The following TNR variants were observed in gnomAD, a reference collection of about 807,000 sequenced individuals.
TNR encodes the protein tenascin R.
TNR carries 45 observed loss-of-function variants against 150.4 expected under a neutral mutation model. The ratio of observed to expected loss-of-function variants is 0.30; its 90% CI spans 0.24 to 0.38. TNR has a LOEUF of 0.38. TNR is among the 10% of genes least tolerant of loss of function. The pLI is 1.00. For synonymous variants in TNR, 687 were observed against 678.4 expected (o/e 1.01, Z -0.20); for missense variants, 1,544 against 1,759.1 (o/e 0.88, Z 2.19).
At chr1:175,361,481 T>C (rs1377238195) in intron 14 of TNR, among the ~76,000 whole-genome samples, 1 of 152,198 alleles carries the variant, frequency 6.6e-6, no homozygotes, top group African/African-American at 2.4e-5. Flanking sequence ...TCTGTTGTCA[T>C]AAGCCTGGAA....
At chr1:175,478,756 T>C (rs971143610) in intron 2 of TNR, among the ~76,000 whole-genome samples, 4 of 152,178 alleles carry the variant, frequency 2.6e-5, no homozygotes, top group Non-Finnish European at 4.4e-5. Flanking sequence ...AAAAAGATAA[T>C]GTGGCTGCCT....
intron 1 of TNR, among the ~76,000 whole-genome samples, chr1:175,713,098 A>G (rs1004578642): frequency 2.0e-5 from 3 of 152,222 alleles, no homozygotes; most frequent in African/African-American, 7.2e-5. Flanking sequence ...AGCAGGAGCG[A>G]TAATGCTGGA....
chr1:175,331,014 T>TTTCC (rs1649737389), intron 20 of TNR, among the ~76,000 whole-genome samples: 2 of 56,594 alleles, frequency 3.5e-5, no homozygotes, highest in South Asian at 6.8e-4. Context: ...TCTTTCTTTC[T>TTTCC]TTCTTTCTTT....
At chr1:175,393,634 C>T (rs986614285) in intron 6 of TNR, 146 bp downstream of exon 6, 2 of 713,240 alleles carry the variant, frequency 2.8e-6, no homozygotes, top group Admixed American at 4.0e-5. Context: ...TGTTCTATAT[C>T]CCAGACACCC....
rs151048007 is a variant in TNR at position 175,370,789 on chromosome 1, C to T, written c.1964-3492G>A. Among the ~76,000 whole-genome samples the T allele has an allele frequency of 1.8e-3, 271 of 152,248 alleles. 1 individual carries two copies. The highest frequency in any genetic ancestry group is 3.6e-3 in the African/African-American group (148 of 41,548). On this transcript the variant is annotated intron_variant, in intron 9 of 22. Coordinates refer to ENST00000367674, the MANE Select transcript of TNR (RefSeq NM_003285.3). ...TGGAGGGAGTAAGACAGAAATTATA[C>T]GTTGCCAAACAGATCTAACATGTAA...
intron 2 of TNR, among the ~76,000 whole-genome samples, chr1:175,508,672 C>A (rs974523192): frequency 6.6e-6 from 1 of 152,200 alleles, no homozygotes; most frequent in Non-Finnish European, 1.5e-5. Flanking sequence ...GGGAGCAAAT[C>A]TTTCTCCAGT....
intron 1 of TNR, among the ~76,000 whole-genome samples, chr1:175,716,142 T>C (rs1667150606): frequency 6.6e-6 from 1 of 152,222 alleles, no homozygotes; most frequent in African/African-American, 2.4e-5. Flanking sequence ...GACCTAGGCT[T>C]TCCCACCTGA....
intron 1 of TNR, among the ~76,000 whole-genome samples, chr1:175,714,556 C>T (rs1416050635): frequency 6.6e-6 from 1 of 152,156 alleles, no homozygotes; most frequent in East Asian, 1.9e-4. Flanking sequence ...GACCACTCAG[C>T]CCCTTTCTCA....
At chr1:175,447,472 G>A (rs143603931) in intron 2 of TNR, among the ~76,000 whole-genome samples, 159 of 152,238 alleles carry the variant, frequency 1.0e-3, no homozygotes, top group Middle Eastern at 0.01. Context: ...TGGCTAGCAC[G>A]TTTGGCATTC....
At chr1:175,530,365 GC>G (rs1241309358) in intron 1 of TNR, among the ~76,000 whole-genome samples, 2 of 152,284 alleles carry the variant, frequency 1.3e-5, no homozygotes, top group East Asian at 3.9e-4. Context: ...GCTCTGGGCT[GC>G]CCCCAGGGAG....
At chr1:175,450,642 G>C (rs912603555) in intron 2 of TNR, among the ~76,000 whole-genome samples, 1 of 152,238 alleles carries the variant, frequency 6.6e-6, no homozygotes, top group Non-Finnish European at 1.5e-5. Flanking sequence ...TCTGTAGCTA[G>C]AGTGCCTGGC....
At chr1:175,479,684 A>G (rs1410571342) in intron 2 of TNR, among the ~76,000 whole-genome samples, 1 of 151,984 alleles carries the variant, frequency 6.6e-6, no homozygotes, top group African/African-American at 2.4e-5. Flanking sequence ...CTGCTTGGCT[A>G]CTCACTGATT....
intron 1 of TNR, among the ~76,000 whole-genome samples, chr1:175,677,647 T>C (rs1213928676): frequency 6.6e-6 from 1 of 151,992 alleles, no homozygotes; most frequent in Non-Finnish European, 1.5e-5. Flanking sequence ...GAGAAGAAGA[T>C]GGAGAGAAGG....
chr1:175,445,073 A>G (rs1404293518), intron 2 of TNR, among the ~76,000 whole-genome samples: 1 of 152,202 alleles, frequency 6.6e-6, no homozygotes, highest in Non-Finnish European at 1.5e-5. Flanking sequence ...GATTGAGACC[A>G]TCCTAGCTAA....
At chr1:175,350,745 T>C (rs1383168065) in intron 18 of TNR, among the ~76,000 whole-genome samples, 3 of 152,236 alleles carry the variant, frequency 2.0e-5, no homozygotes, top group South Asian at 4.1e-4. Context: ...TTCTCTTTTT[T>C]AGTTTTATTA....
At chr1:175,731,461 C>T (rs1667639610) in intron 1 of TNR, among the ~76,000 whole-genome samples, 2 of 152,194 alleles carry the variant, frequency 1.3e-5, no homozygotes, top group South Asian at 4.2e-4. Flanking sequence ...AAACAAAATG[C>T]AGGAAATTAT....
intron 2 of TNR, among the ~76,000 whole-genome samples, chr1:175,417,561 GAAACA>G (rs1654553548): frequency 6.6e-6 from 1 of 152,140 alleles, no homozygotes; most frequent in Non-Finnish European, 1.5e-5. Context: ...TCAAGCTCTG[GAAACA>G]CTACTAATAT....
At chr1:175,675,651 G>A (rs1405552917) in intron 1 of TNR, among the ~76,000 whole-genome samples, 1 of 152,180 alleles carries the variant, frequency 6.6e-6, no homozygotes, top group South Asian at 2.1e-4. Flanking sequence ...TACATGACCT[G>A]AACATAGGAC....
intron 2 of TNR, among the ~76,000 whole-genome samples, chr1:175,451,787 C>T (rs770292108): frequency 2.2e-4 from 34 of 152,172 alleles, no homozygotes; most frequent in Non-Finnish European, 4.4e-4. Context: ...TGAAAAATGA[C>T]TTAGCATTTT....
Sources: gnomAD v4.1 joint callset for allele counts (sites outside exome capture counted in the v4.1 genomes callset) on GRCh38, gnomAD v4.1.1 for gene constraint, MANE v1.5 for transcripts, NCBI Gene and HGNC (gene_info 2026-07-23, HGNC 2026-07-21) for gene names.